Variants in ATP10A observed in about 807,000 individuals in gnomAD.
The protein encoded by ATP10A is phospholipid-transporting ATPase VA.
ATP10A carries 111 observed loss-of-function variants against 147.8 expected under a neutral mutation model. That is an observed-to-expected ratio of 0.75 (90% CI 0.64 to 0.88). The LOEUF is 0.88. ATP10A is among the 40% of genes least tolerant of loss of function. The probability of loss-of-function intolerance (pLI) is 0.00; values close to 1 mark genes in which losing one functional copy is unlikely to be tolerated. For synonymous variants in ATP10A, 875 were observed against 841.6 expected, an observed-to-expected ratio of 1.04 and a Z score of -0.69; for missense variants, 1,927 against 1,959.0, an observed-to-expected ratio of 0.98 and a Z score of 0.31.
At chr15:25,707,684 T>A (rs887989060) in intron 12 of ATP10A, among the ~76,000 whole-genome samples, 4 of 152,298 alleles carry the variant, frequency 2.6e-5, no homozygotes, top group Middle Eastern at 3.4e-3. Context: ...AACTCCCAAC[T>A]GTCAGAAATC....
intron 10 of ATP10A, chr15:25,709,498 G>A (rs1901256583): frequency 6.6e-6 from 1 of 152,236 alleles, no homozygotes; most frequent in South Asian, 2.1e-4. Context: ...ACTGGGACGT[G>A]CGGTGGTACC....
chr15:25,819,990 T>C (rs1445654495), intron 1 of ATP10A, among the ~76,000 whole-genome samples: 2 of 152,078 alleles, frequency 1.3e-5, no homozygotes, highest in Non-Finnish European at 2.9e-5. Context: ...ATGTGGTAGA[T>C]ACATTAAAAG....
chr15:25,769,973 C>T (rs1178571471), intron 2 of ATP10A, among the ~76,000 whole-genome samples: 6 of 152,154 alleles, frequency 3.9e-5, no homozygotes, highest in African/African-American at 9.7e-5. Flanking sequence ...GAGGGACGAC[C>T]ACCTGCAAGC....
chr15:25,771,659 A>G (rs1315660709), intron 2 of ATP10A, among the ~76,000 whole-genome samples: 1 of 152,114 alleles, frequency 6.6e-6, no homozygotes, highest in Non-Finnish European at 1.5e-5. Context: ...CTCACAGGAA[A>G]GTGACCATTC....
intron 12 of ATP10A, among the ~76,000 whole-genome samples, chr15:25,705,598 T>TG (rs769909887): frequency 1.3e-5 from 2 of 151,908 alleles, no homozygotes; most frequent in Non-Finnish European, 2.9e-5. Context: ...AACGCTAAGG[T>TG]GGTGGGTGGC....
intron 1 of ATP10A, among the ~76,000 whole-genome samples, chr15:25,787,764 C>A (rs1008580122): frequency 6.6e-6 from 1 of 152,102 alleles, no homozygotes; most frequent in African/African-American, 2.4e-5. Context: ...AATGTGCAAA[C>A]AACTGGAGGG....
chr15:25,856,816 G>A (rs1029053556), intron 1 of ATP10A, among the ~76,000 whole-genome samples: 1 of 152,028 alleles, frequency 6.6e-6, no homozygotes, highest in Non-Finnish European at 1.5e-5. Flanking sequence ...GAAACACTGA[G>A]GAAGTGTGCA....
chr15:25,728,579 C>T (rs545871115), intron 3 of ATP10A, among the ~76,000 whole-genome samples: 5 of 152,344 alleles, frequency 3.3e-5, no homozygotes, highest in South Asian at 2.1e-4. Flanking sequence ...CCCCCTATCA[C>T]GTGTCTCCCG....
chr15:25,785,513 C>T (rs1398637885), intron 1 of ATP10A, among the ~76,000 whole-genome samples: 5 of 152,318 alleles, frequency 3.3e-5, no homozygotes, highest in Admixed American at 6.5e-5. Context: ...CACTTAATAA[C>T]GTCCATTCTC....
At chr15:25,810,013 CAAA>C (rs56870055) in intron 1 of ATP10A, among the ~76,000 whole-genome samples, 1 of 139,318 alleles carries the variant, frequency 7.2e-6, no homozygotes. Flanking sequence ...AAGGTCATTA[CAAA>C]AAAAAAAAAA....
rs575678879 is a variant in ATP10A at position 25,680,910 on chromosome 15, T to C, written c.3578A>G (p.Tyr1193Cys). 4.2e-5 allele frequency: 68 copies of C among 1,614,138 alleles called. No individual in the cohort carries two copies. In the East Asian group the frequency reaches 1.0e-3, roughly 24 times the overall value. Residue 1193 changes from tyrosine (Y) to cysteine (C), a missense_variant, in exon 19 of 21, where the codon TAC becomes TGC. Tyr to Cys is a radical substitution (Grantham distance 194). Coordinates refer to ENST00000555815, the MANE Select transcript of ATP10A (RefSeq NM_024490.4). ...AAACAGGTCCACGTTCGAGTCATAGTAGGCCTGAAAGACAGTGGGGTCCTG... is the reference window on the plus strand; with the variant it reads ...AAACAGGTCCACGTTCGAGTCATAGCAGGCCTGAAAGACAGTGGGGTCCTG... The part of the protein sequence containing the change: ...LVCFSIPYLA[Y>C]YDSNVDLFTW...
intron 2 of ATP10A, among the ~76,000 whole-genome samples, chr15:25,757,182 G>A (rs548692537): frequency 1.3e-5 from 2 of 152,130 alleles, no homozygotes; most frequent in Admixed American, 6.5e-5. Context: ...TTGACATCTT[G>A]TTTTTATATG....
intron 3 of ATP10A, among the ~76,000 whole-genome samples, chr15:25,732,034 G>T (rs922248203): frequency 5.9e-5 from 9 of 151,770 alleles, no homozygotes; most frequent in Non-Finnish European, 7.4e-5. Flanking sequence ...GCTAATTTTT[G>T]TGTGTGTGTG....
intron 1 of ATP10A, among the ~76,000 whole-genome samples, chr15:25,811,256 G>A (rs1191894423): frequency 6.6e-6 from 1 of 152,212 alleles, no homozygotes; most frequent in Non-Finnish European, 1.5e-5. Flanking sequence ...CTGGACTCCA[G>A]CAGGCTCTCT....
chr15:25,824,789 TAAGAAC>T (rs1309961599), intron 1 of ATP10A, among the ~76,000 whole-genome samples: 2 of 152,170 alleles, frequency 1.3e-5, no homozygotes, highest in Non-Finnish European at 2.9e-5. Flanking sequence ...TGAAACTCAG[TAAGAAC>T]AGTGAGCTTT....
chr15:25,810,129 CAGTGACCCACAGTG>C (rs1891365115), intron 1 of ATP10A, among the ~76,000 whole-genome samples: 1 of 152,198 alleles, frequency 6.6e-6, no homozygotes, highest in Admixed American at 6.5e-5. Flanking sequence ...TGATCACTCC[CAGTGACCCACAGTG>C]GGGACGTGTT....
chr15:25,700,851 A>G (rs1195374782), intron 13 of ATP10A, among the ~76,000 whole-genome samples: 1 of 152,180 alleles, frequency 6.6e-6, no homozygotes, highest in Non-Finnish European at 1.5e-5. Flanking sequence ...TTATAGATAA[A>G]TAAATAAAAG....
At chr15:25,782,008 A>G (rs1889948418) in intron 1 of ATP10A, among the ~76,000 whole-genome samples, 1 of 152,244 alleles carries the variant, frequency 6.6e-6, no homozygotes, top group African/African-American at 2.4e-5. Context: ...TAGCAAGCCA[A>G]TGTTCACAGC....
downstream of ATP10A, among the ~76,000 whole-genome samples, chr15:25,676,264 A>T (rs1899134218): frequency 2.6e-5 from 4 of 152,188 alleles, no homozygotes; most frequent in Admixed American, 2.6e-4. Context: ...CTGGCCAATG[A>T]GTCAGGGAGC....
Sources: gnomAD v4.1 joint callset for allele counts (sites outside exome capture counted in the v4.1 genomes callset) on GRCh38, gnomAD v4.1.1 for gene constraint, MANE v1.5 for transcripts, NCBI Gene and HGNC (gene_info 2026-07-23, HGNC 2026-07-21) for gene names.